TTC39B: variants seen among roughly 807,000 people sequenced by gnomAD.
The protein encoded by TTC39B is tetratricopeptide repeat domain 39B.
Under a neutral mutation model 96.6 loss-of-function variants are expected in TTC39B, and 92 were observed. The observed-to-expected ratio is 0.95, with a 90% CI of 0.80 to 1.13. The LOEUF (loss-of-function observed/expected upper bound fraction) is 1.13. Among genes scored for constraint, TTC39B ranks in the 50% most tolerant of loss-of-function variants. TTC39B has a pLI of 0.00. For synonymous variants in TTC39B, 367 were observed against 299.4 expected, an observed-to-expected ratio of 1.23 and a Z score of -2.33; for missense variants, 955 against 809.3, an observed-to-expected ratio of 1.18 and a Z score of -2.18.
At chr9:15,196,399 C>A (rs954834709) in intron 8 of TTC39B, among the ~76,000 whole-genome samples, 1 of 152,220 alleles carries the variant, frequency 6.6e-6, no homozygotes, top group Non-Finnish European at 1.5e-5. Context: ...TCATAGAGAA[C>A]ATTCGTGATT....
intron 9 of TTC39B, 49 bp downstream of exon 9, chr9:15,192,541 C>A (rs1286513408): frequency 2.0e-6 from 3 of 1,466,912 alleles, no homozygotes; most frequent in Non-Finnish European, 1.9e-6. Flanking sequence ...CACAGAAAAC[C>A]TTAGGTTCTT....
At chr9:15,169,093 G>A (rs975512529) in exon 20 of TTC39B, 1 of 152,162 alleles carries the variant, frequency 6.6e-6, no homozygotes, top group African/African-American at 2.4e-5. Flanking sequence ...TCACCCCTTT[G>A]CAGAAGAACT....
exon 20 of TTC39B, chr9:15,167,848 T>C (rs535063746): frequency 3.6e-4 from 55 of 152,316 alleles, no homozygotes; most frequent in African/African-American, 1.2e-3. Flanking sequence ...AAAGAATGTC[T>C]GTAAAATCAA....
intron 2 of TTC39B, among the ~76,000 whole-genome samples, chr9:15,239,410 G>T (rs75285333): frequency 3.9e-4 from 59 of 152,302 alleles, no homozygotes; most frequent in African/African-American, 1.3e-3. Flanking sequence ...CAATCCCACT[G>T]CCTGGTATCT....
rs560474311 is a variant in TTC39B, at chr9:15,230,680, C to A, written c.276-4668G>T. Among the ~76,000 whole-genome samples the A allele has an allele frequency of 3.9e-5, 6 of 152,174 alleles. No individual in the cohort carries two copies. In the South Asian group the frequency reaches 1.2e-3, roughly 32 times the overall value. The stretch of plus-strand genomic sequence containing the variant: ...CCATTACGAATAATGCTGTTATGAA[C>A]ATTCATGTACAAGTTCTTGGCCAAG... On this transcript the variant is annotated intron_variant, in intron 2 of 19. Transcript: ENST00000512701.
intron 1 of TTC39B, among the ~76,000 whole-genome samples, chr9:15,303,769 T>G (rs1824674633): frequency 6.6e-6 from 1 of 151,888 alleles, no homozygotes; most frequent in Non-Finnish European, 1.5e-5. Context: ...GTAGCTGAGA[T>G]TACAGGTGCC....
chr9:15,244,825 G>C (rs1480046251), intron 2 of TTC39B, among the ~76,000 whole-genome samples: 1 of 152,112 alleles, frequency 6.6e-6, no homozygotes, highest in African/African-American at 2.4e-5. Context: ...CTGAATGGGG[G>C]GGACATTGTC....
At chr9:15,199,707 C>T (rs1266813653) in intron 8 of TTC39B, among the ~76,000 whole-genome samples, 154 bp downstream of exon 8, 2 of 114,636 alleles carry the variant, frequency 1.7e-5, no homozygotes, top group Non-Finnish European at 3.3e-5. Context: ...TGCACTCCAA[C>T]CTGGGTGACA....
intron 2 of TTC39B, among the ~76,000 whole-genome samples, chr9:15,236,322 A>G (rs1821778875): frequency 6.6e-6 from 1 of 152,236 alleles, no homozygotes; most frequent in Non-Finnish European, 1.5e-5. Context: ...GATTTATCAA[A>G]CAAATGCTAC....
chr9:15,240,281 C>G (rs1554780570), intron 2 of TTC39B, among the ~76,000 whole-genome samples: 1 of 152,112 alleles, frequency 6.6e-6, no homozygotes, highest in Non-Finnish European at 1.5e-5. Flanking sequence ...CCCTGTTCCT[C>G]ACGAAGGAAA....
intron 1 of TTC39B, among the ~76,000 whole-genome samples, chr9:15,293,101 A>G (rs1454042594): frequency 1.3e-5 from 2 of 152,206 alleles, no homozygotes; most frequent in African/African-American, 4.8e-5. Context: ...TTTATATTGT[A>G]TACCACATTT....
intron 2 of TTC39B, among the ~76,000 whole-genome samples, chr9:15,236,529 A>G (rs1224063012): frequency 6.6e-6 from 1 of 152,208 alleles, no homozygotes; most frequent in African/African-American, 2.4e-5. Context: ...TATTCTTTTC[A>G]TTTGTGCATG....
intron 2 of TTC39B, among the ~76,000 whole-genome samples, chr9:15,246,338 T>A (rs549162844): frequency 6.6e-6 from 1 of 152,252 alleles, no homozygotes; most frequent in South Asian, 2.1e-4. Flanking sequence ...CAGAGGGGTA[T>A]CTCATTAAGG....
At chr9:15,250,850 A>G (rs968622988) in intron 2 of TTC39B, among the ~76,000 whole-genome samples, 4 of 152,222 alleles carry the variant, frequency 2.6e-5, no homozygotes, top group Admixed American at 6.5e-5. Context: ...GCTCTTGCAC[A>G]TGCTAGAATT....
At chr9:15,271,166 GCCATATCCTCT>G (rs1198941775) in intron 1 of TTC39B, among the ~76,000 whole-genome samples, 1 of 152,156 alleles carries the variant, frequency 6.6e-6, no homozygotes, top group African/African-American at 2.4e-5. Flanking sequence ...ATGAAGGGGT[GCCATATCCTCT>G]CAATGTAATA....
At chr9:15,209,234 C>G (rs1043767716) in intron 6 of TTC39B, among the ~76,000 whole-genome samples, 2 of 151,950 alleles carry the variant, frequency 1.3e-5, no homozygotes, top group Non-Finnish European at 2.9e-5. Context: ...GAGTGTAACA[C>G]TGAAAAGACA....
intron 1 of TTC39B, among the ~76,000 whole-genome samples, chr9:15,271,699 T>C (rs1021515313): frequency 6.6e-6 from 1 of 152,162 alleles, no homozygotes; most frequent in Non-Finnish European, 1.5e-5. Flanking sequence ...GCTCAGGCAT[T>C]GGGGACCCCT....
At chr9:15,233,567 G>A (rs891825133) in intron 2 of TTC39B, among the ~76,000 whole-genome samples, 6 of 151,284 alleles carry the variant, frequency 4.0e-5, no homozygotes, top group Admixed American at 6.6e-5. Context: ...TGTGTTGGCC[G>A]GGCTGGTCTC....
chr9:15,257,124 C>T, intron 2 of TTC39B, among the ~76,000 whole-genome samples: 1 of 152,150 alleles, frequency 6.6e-6, no homozygotes. Flanking sequence ...TAAAAAGCGA[C>T]CTTTGCAAGC....
Sources: allele counts gnomAD v4.1 joint callset (sites outside exome capture counted in the v4.1 genomes callset), GRCh38; gene constraint gnomAD v4.1.1; transcripts MANE v1.5; gene names NCBI Gene and HGNC (gene_info 2026-07-23, HGNC 2026-07-21).